Variants in CLIP2 observed in about 807,000 individuals in gnomAD.
The protein encoded by CLIP2 is CAP-Gly domain-containing linker protein 2.
A neutral mutation model predicts 111.7 loss-of-function variants in CLIP2; 41 were observed. That is an observed-to-expected ratio of 0.37 (90% CI 0.29 to 0.48). The LOEUF (loss-of-function observed/expected upper bound fraction) is 0.48. Ranked by LOEUF, CLIP2 falls within the 20% of genes least tolerant of loss-of-function variation. CLIP2 has a pLI of 0.99. For missense variants in CLIP2, 1,160 were observed against 1,422.1 expected, an observed-to-expected ratio of 0.82 and a Z score of 2.96; for synonymous variants, 660 against 644.2, an observed-to-expected ratio of 1.02 and a Z score of -0.37.
chr7:74,302,528 GC>G (rs1370030799), intron 1 of CLIP2, among the ~76,000 whole-genome samples: 32 of 152,248 alleles, frequency 2.1e-4, no homozygotes, highest in African/African-American at 7.5e-4. Context: ...ACAGCCCTGA[GC>G]TCGGACATAG....
intron 5 of CLIP2, 124 bp from the exon 6 acceptor site, chr7:74,357,156 C>T: frequency 4.0e-6 from 3 of 748,306 alleles, no homozygotes; most frequent in East Asian, 2.7e-5. Context: ...AAGAGCAGGA[C>T]CCTGGGAGTC....
chr7:74,319,234 C>T (rs976875236), intron 2 of CLIP2, among the ~76,000 whole-genome samples: 7 of 152,038 alleles, frequency 4.6e-5, no homozygotes, highest in Non-Finnish European at 1.0e-4. Context: ...AGAAAAAGGC[C>T]GGGGACGGTG....
At chr7:74,349,454 ATG>A (rs782788165) in intron 3 of CLIP2, among the ~76,000 whole-genome samples, 5,508 of 59,738 alleles carry the variant, frequency 0.092, 842 homozygotes, top group Non-Finnish European at 0.12. Flanking sequence ...AAAAGTATGT[ATG>A]TGTGTGTGTG....
At chr7:74,352,876 G>A (rs1262475070) in intron 3 of CLIP2, among the ~76,000 whole-genome samples, 1 of 152,126 alleles carries the variant, frequency 6.6e-6, no homozygotes, top group Middle Eastern at 3.4e-3. Flanking sequence ...GCTGGGTGTG[G>A]TGGCACATAC....
chr7:74,394,252 T>A (rs954568372), intron 13 of CLIP2, among the ~76,000 whole-genome samples: 10 of 146,148 alleles, frequency 6.8e-5, no homozygotes, highest in Non-Finnish European at 1.4e-4. Context: ...CTTATTTTTT[T>A]TTTTTTTTTT....
intron 1 of CLIP2, among the ~76,000 whole-genome samples, chr7:74,310,036 C>CAAAAAAAAAAAAAAAAAAAAAA (rs71094774): frequency 3.2e-5 from 3 of 92,512 alleles, no homozygotes; most frequent in Admixed American, 1.2e-4. Flanking sequence ...CCTGTCTCTA[C>CAAAAAAAAAAAAAAAAAAAAAA]AAAAAAAAAA....
intron 3 of CLIP2, among the ~76,000 whole-genome samples, chr7:74,347,099 G>C (rs537232731): frequency 7.2e-5 from 11 of 152,084 alleles, no homozygotes; most frequent in African/African-American, 2.4e-4. Context: ...CCCCGTTCCT[G>C]CCTTGCCTGA....
intron 8 of CLIP2, among the ~76,000 whole-genome samples, chr7:74,368,922 T>C (rs1039595811): frequency 2.0e-5 from 3 of 152,122 alleles, no homozygotes; most frequent in Non-Finnish European, 4.4e-5. Context: ...ATTTTTAAAA[T>C]GTAAATCAGG....
rs553344486 is a variant in CLIP2, at chr7:74,327,344, C to A, written c.121+9677C>A. On this transcript the variant is annotated intron_variant, in intron 2 of 16. Transcript: ENST00000223398. ...TCTCGAACTCCTGATCTCAAGTGAT[C>A]CACCTGCCTCGGCCTCCCAAACTGC... Among the ~76,000 whole-genome samples, 7 of 152,302 alleles carry A rather than the reference C, an allele frequency of 4.6e-5. No homozygotes were observed. In the South Asian group the frequency reaches 1.5e-3, roughly 32 times the overall value.
At chr7:74,295,644 A>G (rs77700425) in intron 1 of CLIP2, among the ~76,000 whole-genome samples, 2 of 152,160 alleles carry the variant, frequency 1.3e-5, no homozygotes, top group East Asian at 3.8e-4. Flanking sequence ...TGTGTTCTTC[A>G]TCTGATTCCA....
intron 11 of CLIP2, chr7:74,381,507 G>A: frequency 4.6e-6 from 2 of 431,986 alleles, no homozygotes; most frequent in South Asian, 3.3e-5. Flanking sequence ...TTAAAAACAG[G>A]TCTAAACTTC....
intron 8 of CLIP2, among the ~76,000 whole-genome samples, chr7:74,369,283 G>A (rs9638186): frequency 0.064 from 9,671 of 152,138 alleles, 730 homozygotes; most frequent in East Asian, 0.35. Flanking sequence ...CCAGGGAGGC[G>A]GAGGTTGCAG....
Position 74,338,636 on chromosome 7 carries a change from G to T in CLIP2, c.310G>T (p.Ala104Ser), listed in dbSNP as rs1789553236. 3 of 1,564,988 alleles carry T rather than the reference G, an allele frequency of 1.9e-6. No individual in the cohort carries two copies. The highest frequency in any genetic ancestry group is 2.6e-6 in the Non-Finnish European group (3 of 1,157,220). ...VVQYLGETQFAPGQWAGVVLD... is the reference protein window; with the variant it reads ...VVQYLGETQFSPGQWAGVVLD... ...GCAGTATCTGGGAGAGACGCAGTTC[G>T]CACCGGGCCAGTGGGCTGGCGTGGT... The change falls in exon 3 of 17, where the codon GCA becomes TCA. Residue 104 changes from alanine (A) to serine (S), a missense_variant. Physicochemically the swap from Ala to Ser is moderately conservative, Grantham distance 99 (BLOSUM62 1). This residue lies in a region of CLIP2 where 301 missense variants were observed against 315.2 expected (regional missense o/e 0.96). Coordinates refer to ENST00000223398, the MANE Select transcript of CLIP2 (RefSeq NM_003388.5). This position sits in a 1 kb window ranked among gnomAD's most constrained non-coding sequence, Gnocchi z 4.3.
intron 10 of CLIP2, among the ~76,000 whole-genome samples, chr7:74,378,000 A>G (rs1790840123): frequency 6.6e-6 from 1 of 151,934 alleles, no homozygotes; most frequent in Non-Finnish European, 1.5e-5. Context: ...TAATTCTTAT[A>G]TTTTTAGTAG....
intron 6 of CLIP2, among the ~76,000 whole-genome samples, chr7:74,359,338 C>T (rs1187394788): frequency 7.5e-6 from 1 of 134,064 alleles, no homozygotes; most frequent in Non-Finnish European, 1.6e-5. Context: ...TGACTGTCTA[C>T]ATTTCAGGTT....
At chr7:74,381,672 T>C in intron 11 of CLIP2, 1 of 453,222 alleles carries the variant, frequency 2.2e-6, no homozygotes, top group South Asian at 1.6e-5. Context: ...ATATCTTCCA[T>C]TCTTTCAGCT....
intron 10 of CLIP2, among the ~76,000 whole-genome samples, chr7:74,377,887 G>A (rs1424971630): frequency 2.0e-5 from 3 of 149,872 alleles, no homozygotes; most frequent in Admixed American, 1.3e-4. Context: ...GTGCAGTGGT[G>A]GGATCTCGGC....
At position 74,338,748 on chromosome 7, in the gene CLIP2, G is replaced by T; in HGVS notation, c.422G>T (p.Arg141Leu). 6.2e-7 allele frequency: 1 copy of T among 1,601,746 alleles called. No individual in the cohort carries two copies. The part of the protein sequence containing the change: ...ECPALQGIFT[R>L]PSKLTRQPTA... Reference sequence around the variant, plus strand: ...CCGGCCCTCCAGGGTATCTTCACGCGGCCCTCCAAGCTGACCCGGCAGCCC... The same window carrying T: ...CCGGCCCTCCAGGGTATCTTCACGCTGCCCTCCAAGCTGACCCGGCAGCCC... Residue 141 changes from arginine to leucine, a missense_variant, in exon 3 of 17, where the codon CGG becomes CTG. Transcript: ENST00000223398. The surrounding 1 kb of genome is among the most constrained non-coding windows in gnomAD (Gnocchi z 4.3).
chr7:74,304,847 A>T (rs1554727489), intron 1 of CLIP2, among the ~76,000 whole-genome samples: 1 of 152,124 alleles, frequency 6.6e-6, no homozygotes, highest in Non-Finnish European at 1.5e-5. Flanking sequence ...CGGGAGGCTA[A>T]GGAAGGAGGA....
Sources: allele counts gnomAD v4.1 joint callset (sites outside exome capture counted in the v4.1 genomes callset), GRCh38; gene constraint gnomAD v4.1.1; regional missense constraint gnomAD v4.1.1; non-coding constraint Gnocchi (gnomAD v3.1); transcripts MANE v1.5; gene names NCBI Gene and HGNC (gene_info 2026-07-23, HGNC 2026-07-21).